TENM3: variants seen among roughly 807,000 people sequenced by gnomAD.
TENM3 encodes teneurin transmembrane protein 3.
A neutral mutation model predicts 255.1 loss-of-function variants in TENM3; 63 were observed. The ratio of observed to expected loss-of-function variants is 0.25; its 90% CI spans 0.20 to 0.30. TENM3 has a LOEUF of 0.30. Among genes scored for constraint, TENM3 ranks in the 10% least tolerant of loss-of-function variants. TENM3 has a pLI of 1.00. For synonymous variants in TENM3, 1,306 were observed against 1,322.3 expected, an observed-to-expected ratio of 0.99 and a Z score of 0.27; for missense variants, 2,929 against 3,461.1, an observed-to-expected ratio of 0.85 and a Z score of 3.86.
At chr4:182,455,518 C>A (rs1315246176) in intron 3 of TENM3, among the ~76,000 whole-genome samples, 1 of 149,968 alleles carries the variant, frequency 6.7e-6, no homozygotes, top group Admixed American at 6.6e-5. Flanking sequence ...CCTTGCATCT[C>A]ACAGAGTTTC....
chr4:181,900,968 G>A, the TENM3 span, among the ~76,000 whole-genome samples: 2 of 152,114 alleles, frequency 1.3e-5, no homozygotes, highest in Non-Finnish European at 2.9e-5. Flanking sequence ...TTTCTCCAAG[G>A]CAGGTAGACT....
chr4:181,829,223 A>G, the TENM3 span, among the ~76,000 whole-genome samples: 1 of 152,250 alleles, frequency 6.6e-6, no homozygotes, highest in Non-Finnish European at 1.5e-5. Flanking sequence ...GTTAACAAAC[A>G]GCCACACTGG....
the TENM3 span, among the ~76,000 whole-genome samples, chr4:182,066,599 A>AAATATATATATAT: frequency 1.5e-4 from 20 of 137,106 alleles, no homozygotes; most frequent in Non-Finnish European, 2.8e-4. Flanking sequence ...GTAAAAAAAA[A>AAATATATATATAT]ATATATATAT....
chr4:181,448,460 C>A, the TENM3 span, among the ~76,000 whole-genome samples: 1 of 151,922 alleles, frequency 6.6e-6, no homozygotes, highest in African/African-American at 2.4e-5. Flanking sequence ...CGTGAGCCAC[C>A]GCGCCCGGCC....
chr4:182,695,863 C>G (rs1050230878), intron 12 of TENM3, among the ~76,000 whole-genome samples: 1 of 152,188 alleles, frequency 6.6e-6, no homozygotes, highest in African/African-American at 2.4e-5. Context: ...ATAGCTTTTT[C>G]TTTTAGATGA....
intron 4 of TENM3, among the ~76,000 whole-genome samples, chr4:182,607,362 C>G (rs1748530070): frequency 6.6e-6 from 1 of 152,142 alleles, no homozygotes; most frequent in Admixed American, 6.5e-5. Context: ...TTAGTTTTCT[C>G]ACTCTTCCCG....
intron 3 of TENM3, among the ~76,000 whole-genome samples, chr4:182,590,999 T>C (rs934366948): frequency 5.9e-5 from 9 of 152,234 alleles, no homozygotes; most frequent in Non-Finnish European, 1.2e-4. Flanking sequence ...TTCAGTCAAT[T>C]AACCCAAAGT....
chr4:181,460,228 A>T, the TENM3 span, among the ~76,000 whole-genome samples: 1 of 152,006 alleles, frequency 6.6e-6, no homozygotes, highest in South Asian at 2.1e-4. Flanking sequence ...TCCATGGGAA[A>T]AGTGAATAGA....
intron 3 of TENM3, among the ~76,000 whole-genome samples, chr4:182,502,896 T>C (rs79390841): frequency 6.7e-6 from 1 of 148,624 alleles, no homozygotes; most frequent in African/African-American, 2.5e-5. Flanking sequence ...GTTTTGTGAT[T>C]GGATGAAGTC....
At chr4:181,711,258 G>C in the TENM3 span, among the ~76,000 whole-genome samples, 1 of 152,120 alleles carries the variant, frequency 6.6e-6, no homozygotes, top group Non-Finnish European at 1.5e-5. Flanking sequence ...CTCTAGAAAA[G>C]GGGAAAATAC....
At chr4:182,311,808 A>G (rs1762463085) in intron 1 of TENM3, among the ~76,000 whole-genome samples, 1 of 152,222 alleles carries the variant, frequency 6.6e-6, no homozygotes, top group Admixed American at 6.5e-5. Context: ...TCTTCATTGA[A>G]GAAGCTCCCC....
the TENM3 span, among the ~76,000 whole-genome samples, chr4:182,130,118 A>G: frequency 6.6e-6 from 1 of 152,174 alleles, no homozygotes; most frequent in Admixed American, 6.5e-5. Context: ...CTTCAGGGAG[A>G]GGGTAGTCTC....
rs778596996 is a variant in TENM3 at position 182,688,263 on chromosome 4, C to G, written c.2133C>G (p.Ala711=). The change falls in exon 12 of 28, where the codon GCC becomes GCG. Residue 711 remains alanine (A), a synonymous_variant. Coordinates refer to ENST00000511685, the MANE Select transcript of TENM3 (RefSeq NM_001080477.4). ...CGGGCCCAGCCTGTAATCAGAGAGCCTGCCACCCCCGCTGTGCCGAGCACG... is the reference window on the plus strand; with the variant it reads ...CGGGCCCAGCCTGTAATCAGAGAGCGTGCCACCCCCGCTGTGCCGAGCACG... ...GWTGPACNQR[A]CHPRCAEHGT... 75 of 1,613,814 alleles carry G rather than the reference C, an allele frequency of 4.6e-5. No individual in the cohort carries two copies. Among genetic ancestry groups the G allele is most frequent in the Non-Finnish European group, 6.0e-5 (71 of 1,179,868 alleles).
At chr4:181,933,122 C>T in the TENM3 span, among the ~76,000 whole-genome samples, 1 of 152,004 alleles carries the variant, frequency 6.6e-6, no homozygotes, top group African/African-American at 2.4e-5. Flanking sequence ...ATATAACAAA[C>T]CTGCACGTTC....
chr4:181,831,386 T>A, the TENM3 span, among the ~76,000 whole-genome samples: 4,228 of 152,186 alleles, frequency 0.028, 197 homozygotes, highest in African/African-American at 0.095. Context: ...TCCAGTTTTA[T>A]TTCGGCTACA....
At chr4:182,245,767 T>C (rs537828219) in intron 1 of TENM3, among the ~76,000 whole-genome samples, 19 of 152,358 alleles carry the variant, frequency 1.2e-4, no homozygotes, top group African/African-American at 4.6e-4. Flanking sequence ...GCTACTGTTG[T>C]GTCAATGCTG....
the TENM3 span, among the ~76,000 whole-genome samples, chr4:181,624,708 A>G: frequency 2.0e-5 from 3 of 152,332 alleles, no homozygotes; most frequent in East Asian, 1.9e-4. Flanking sequence ...TGCATAATGA[A>G]CCACCTCAAA....
chr4:181,868,772 A>G, the TENM3 span, among the ~76,000 whole-genome samples: 1 of 152,140 alleles, frequency 6.6e-6, no homozygotes, highest in African/African-American at 2.4e-5. Flanking sequence ...GCTTAATAAC[A>G]TGTTTCTTAA....
chr4:182,266,356 AG>A (rs1264998031), intron 1 of TENM3, among the ~76,000 whole-genome samples: 1 of 152,248 alleles, frequency 6.6e-6, no homozygotes, highest in East Asian at 1.9e-4. Flanking sequence ...AAGAATTGTT[AG>A]GTTTAAACAA....
Sources: gnomAD v4.1 joint callset for allele counts (sites outside exome capture counted in the v4.1 genomes callset) on GRCh38, gnomAD v4.1.1 for gene constraint, MANE v1.5 for transcripts, NCBI Gene and HGNC (gene_info 2026-07-23, HGNC 2026-07-21) for gene names.